EFCAB13: variants seen among roughly 807,000 people sequenced by gnomAD.
EFCAB13 encodes the protein EF-hand calcium binding domain 13, also known as EF-hand calcium-binding domain-containing protein 13.
A neutral mutation model predicts 110.2 loss-of-function variants in EFCAB13; 91 were observed. The ratio of observed to expected loss-of-function variants is 0.83; its 90% CI spans 0.70 to 0.98. The LOEUF is 0.98. EFCAB13 is among the 50% of genes least tolerant of loss of function. The probability of loss-of-function intolerance (pLI) is 0.00; values close to 1 mark genes in which losing one functional copy is unlikely to be tolerated. For synonymous variants in EFCAB13, 323 were observed against 369.9 expected (o/e 0.87, Z 1.45); for missense variants, 968 against 1,119.4 (o/e 0.86, Z 1.93).
intron 22 of EFCAB13, 116 bp from the exon 23 acceptor site, chr17:47,414,732 G>C: frequency 1.4e-6 from 1 of 695,366 alleles, no homozygotes; most frequent in Non-Finnish European, 2.5e-6. Flanking sequence ...AATCATTTGA[G>C]ACAGAAAAGT....
At chr17:47,383,212 A>G (rs897948188) in intron 14 of EFCAB13, among the ~76,000 whole-genome samples, 10 of 151,516 alleles carry the variant, frequency 6.6e-5, no homozygotes, top group Admixed American at 2.0e-4. Context: ...CTATTTTGTT[A>G]ATCATTTCAA....
intron 4 of EFCAB13, among the ~76,000 whole-genome samples, chr17:47,332,142 A>C (rs2065322964): frequency 6.6e-6 from 1 of 152,286 alleles, no homozygotes; most frequent in South Asian, 2.1e-4. Flanking sequence ...AGAAACTGCC[A>C]AACTGTATTC....
chr17:47,347,229 A>G (rs2065422188), intron 8 of EFCAB13, among the ~76,000 whole-genome samples: 1 of 152,208 alleles, frequency 6.6e-6, no homozygotes. Context: ...GCAGTGAGCC[A>G]TGATTGCACT....
intron 11 of EFCAB13, among the ~76,000 whole-genome samples, chr17:47,372,747 A>T (rs1055368811): frequency 3.4e-5 from 5 of 147,422 alleles, no homozygotes; most frequent in Non-Finnish European, 5.9e-5. Context: ...AGTACTCTGA[A>T]TATATAGTCC....
At chr17:47,352,667 C>T (rs774910197) in intron 9 of EFCAB13, among the ~76,000 whole-genome samples, 4 of 152,054 alleles carry the variant, frequency 2.6e-5, no homozygotes, top group African/African-American at 7.2e-5. Flanking sequence ...CTGTAGATTG[C>T]TTTGGGCAGT....
At chr17:47,376,339 T>C (rs1433996201) in intron 12 of EFCAB13, among the ~76,000 whole-genome samples, 1 of 152,074 alleles carries the variant, frequency 6.6e-6, no homozygotes, top group African/African-American at 2.4e-5. Context: ...ATTAAAACCT[T>C]GGTTAAAGGA....
chr17:47,374,897 G>C lies in EFCAB13; in HGVS notation c.1303G>C (p.Ala435Pro), dbSNP rs1015395133. ...TAGTATCCCAAAACTTCAGAAGCCA[G>C]CTGTAAGAAAGCATTCCAGTCTCCA... ...ISSIPKLQKP[A>P]VRKHSSLQKQ... The change falls in exon 12 of 25, where the codon GCT becomes CCT. Residue 435 changes from alanine to proline, a missense_variant. By Grantham distance (27) the Ala-to-Pro change is conservative. Transcript: ENST00000331493. The C allele has an allele frequency of 1.4e-5, 22 of 1,609,164 alleles. No homozygotes were observed. The highest frequency in any genetic ancestry group is 2.7e-5 in the African/African-American group (2 of 74,542).
chr17:47,328,687 G>A lies in EFCAB13; in HGVS notation c.30+304G>A, dbSNP rs376149334. The A allele has an allele frequency of 8.8e-5, 23 of 262,076 alleles. No individual in the cohort carries two copies. In the South Asian group the frequency reaches 1.3e-3, roughly 15 times the overall value. 16.2% of individuals were successfully genotyped at this position (262,076 alleles called of 1,614,324 possible). ...ACTTACATGAGAGGTTGTAGATAATGTAATTAATGATGTGAGAGTATAACC... is the reference window on the plus strand; with the variant it reads ...ACTTACATGAGAGGTTGTAGATAATATAATTAATGATGTGAGAGTATAACC... On this transcript the variant is annotated intron_variant, in intron 4 of 24. Coordinates refer to ENST00000331493, the MANE Select transcript of EFCAB13 (RefSeq NM_152347.5).
chr17:47,348,831 C>T (rs774125055), intron 9 of EFCAB13, among the ~76,000 whole-genome samples: 4 of 151,658 alleles, frequency 2.6e-5, no homozygotes, highest in African/African-American at 7.3e-5. Flanking sequence ...ATATGTGATT[C>T]GTAGATATTT....
intron 24 of EFCAB13, among the ~76,000 whole-genome samples, chr17:47,432,270 C>T (rs960321436): frequency 3.2e-4 from 49 of 151,924 alleles, no homozygotes; most frequent in Middle Eastern, 3.4e-3. Context: ...TGGTGGCGGG[C>T]GCCTGTAGTC....
intron 9 of EFCAB13, among the ~76,000 whole-genome samples, chr17:47,355,674 G>C (rs2065476724): frequency 6.7e-6 from 1 of 149,798 alleles, no homozygotes; most frequent in Non-Finnish European, 1.5e-5. Context: ...CCAGGTTCAA[G>C]TGATTCTTCT....
chr17:47,417,851 G>C (rs1267114770), intron 23 of EFCAB13, among the ~76,000 whole-genome samples: 3 of 152,110 alleles, frequency 2.0e-5, no homozygotes, highest in Admixed American at 6.5e-5. Flanking sequence ...CTCTCTGTCA[G>C]GGTTTTCTTC....
rs1905107669 is a variant in EFCAB13 at position 47,431,100 on chromosome 17, CTTT to C, written c.2638+1140_2638+1142del. Among the ~76,000 whole-genome samples, 1 of 151,942 alleles carries C rather than the reference CTTT, an allele frequency of 6.6e-6. No homozygotes were observed. The highest frequency in any genetic ancestry group is 1.5e-5 in the Non-Finnish European group (1 of 67,964). On this transcript the variant is annotated intron_variant, in intron 24 of 24. Coordinates refer to ENST00000331493, the MANE Select transcript of EFCAB13 (RefSeq NM_152347.5). This position sits in a 1 kb window ranked among gnomAD's most constrained non-coding sequence, Gnocchi z 4.1. ...TCTGTTACCTCAAGCATTATCAGTT[CTTT>C]GTGTTAGAAACATTCCAATTTCACT...
chr17:47,332,712 C>A (rs1203901764), intron 4 of EFCAB13, among the ~76,000 whole-genome samples: 2 of 152,124 alleles, frequency 1.3e-5, no homozygotes, highest in Non-Finnish European at 2.9e-5. Context: ...ATAGTGTCTT[C>A]CAGTTCTATC....
At chr17:47,335,558 A>G (rs1255417422) in intron 5 of EFCAB13, among the ~76,000 whole-genome samples, 1 of 152,206 alleles carries the variant, frequency 6.6e-6, no homozygotes, top group East Asian at 1.9e-4. Context: ...ACAGCCATCT[A>G]TAGGCTTCCA....
At chr17:47,338,040 T>A (rs2065361302) in intron 5 of EFCAB13, among the ~76,000 whole-genome samples, 1 of 152,192 alleles carries the variant, frequency 6.6e-6, no homozygotes, top group Admixed American at 6.5e-5. Context: ...TTCATCAGAT[T>A]AAAAATTTAT....
At chr17:47,410,103 A>C (rs2065826720) in intron 21 of EFCAB13, among the ~76,000 whole-genome samples, 1 of 151,558 alleles carries the variant, frequency 6.6e-6, no homozygotes, top group Non-Finnish European at 1.5e-5. Flanking sequence ...AATACCACAG[A>C]CTGGATAATT....
chr17:47,405,356 A>C lies in EFCAB13; in HGVS notation c.2233+723A>C, dbSNP rs190985682. On this transcript the variant is annotated intron_variant, in intron 20 of 24. Transcript: ENST00000331493. Reference sequence around the variant, plus strand: ...GGACTTGCTGGGCCAAAGTATTTTTAGATGTAAAATGTTAACAAGCTACTG... The same window carrying C: ...GGACTTGCTGGGCCAAAGTATTTTTCGATGTAAAATGTTAACAAGCTACTG... 3.3e-5 allele frequency among the ~76,000 whole-genome samples: 5 copies of C among 152,292 alleles called. No individual in the cohort carries two copies. In the East Asian group the frequency reaches 7.7e-4, roughly 23 times the overall value.
At chr17:47,413,768 T>G (rs1904328657) in intron 22 of EFCAB13, among the ~76,000 whole-genome samples, 1 of 152,204 alleles carries the variant, frequency 6.6e-6, no homozygotes, top group South Asian at 2.1e-4. Flanking sequence ...TTGGGAAGAT[T>G]TAGGCCTCCT....
Sources: gnomAD v4.1 joint callset for allele counts (sites outside exome capture counted in the v4.1 genomes callset) on GRCh38, gnomAD v4.1.1 for gene constraint, Gnocchi (gnomAD v3.1) non-coding constraint, MANE v1.5 for transcripts, NCBI Gene and HGNC (gene_info 2026-07-23, HGNC 2026-07-21) for gene names.